TPM2: variants seen among roughly 807,000 people sequenced by gnomAD.
TPM2 encodes tropomyosin beta chain.
Under a neutral mutation model 41.0 loss-of-function variants are expected in TPM2, and 26 were observed. The observed-to-expected ratio is 0.63, with a 90% CI of 0.46 to 0.88. The LOEUF (loss-of-function observed/expected upper bound fraction) is 0.88. Among genes scored for constraint, TPM2 ranks in the 40% least tolerant of loss-of-function variants. The probability of loss-of-function intolerance (pLI) is 0.00; values close to 1 mark genes in which losing one functional copy is unlikely to be tolerated. For synonymous variants in TPM2, 143 were observed against 139.3 expected, an observed-to-expected ratio of 1.03 and a Z score of -0.19; for missense variants, 187 against 355.2, an observed-to-expected ratio of 0.53 and a Z score of 3.81.
chr9:35,684,863 A>C, intron 5 of TPM2, 56 bp from the exon 6 acceptor site: 1 of 1,613,736 alleles, frequency 6.2e-7, no homozygotes, highest in Non-Finnish European at 8.5e-7. Context: ...GAAGCCAGAC[A>C]GTGGAGATGG....
At chr9:35,689,616 G>T in intron 1 of TPM2, 88 bp downstream of exon 1, 1 of 1,595,272 alleles carries the variant, frequency 6.3e-7, no homozygotes, top group Non-Finnish European at 8.5e-7. Context: ...AGCCTTGGCG[G>T]GCAGGCCCGG....
rs1661588104 is a variant in TPM2, at chr9:35,684,559, G to A, written c.640-9C>T. The A allele has an allele frequency of 6.2e-7, 1 of 1,614,084 alleles. No homozygotes were observed. Among genetic ancestry groups the A allele is most frequent in the Admixed American group, 1.7e-5 (1 of 60,010 alleles). ...TCTTCTTTGGTGGAATACTTTTGGGGACACACACACGCCATCAGTACAGCG... is the reference window on the plus strand; with the variant it reads ...TCTTCTTTGGTGGAATACTTTTGGGAACACACACACGCCATCAGTACAGCG... On this transcript the variant is annotated splice_polypyrimidine_tract_variant and intron_variant, in intron 6 of 8. Transcript: ENST00000645482.
rs755090641 is a variant in TPM2, at chr9:35,689,834, G to A, written c.-17C>T. 2 of 1,613,432 alleles carry A rather than the reference G, an allele frequency of 1.2e-6. No individual in the cohort carries two copies. Among genetic ancestry groups the A allele is most frequent in the Non-Finnish European group, 8.5e-7 (1 of 1,179,572 alleles). ...GGCGTCCATGGCTGCGGTGGGGGGTGGGCCGGCCGGCAGGCGGTGAGGACC... is the reference window on the plus strand; with the variant it reads ...GGCGTCCATGGCTGCGGTGGGGGGTAGGCCGGCCGGCAGGCGGTGAGGACC... On this transcript the variant is annotated 5_prime_UTR_variant, in exon 1 of 9. Coordinates refer to ENST00000645482, the MANE Select transcript of TPM2 (RefSeq NM_003289.4).
chr9:35,682,015 G>A (rs1243006975), downstream of TPM2: 2 of 1,534,858 alleles, frequency 1.3e-6, no homozygotes, highest in African/African-American at 2.7e-5. Context: ...GCCTTGAGAG[G>A]CTAGTAACAT....
chr9:35,682,383 A>C, downstream of TPM2: 1 of 1,028,582 alleles, frequency 9.7e-7, no homozygotes, highest in Non-Finnish European at 1.4e-6. Flanking sequence ...GGGGTCATAG[A>C]GGTGGGGTGG....
At chr9:35,689,092 G>T in intron 2 of TPM2, 54 bp downstream of exon 2, 1 of 1,610,318 alleles carries the variant, frequency 6.2e-7, no homozygotes, top group South Asian at 1.1e-5. Flanking sequence ...CATACCCGGG[G>T]GGCCCCTTCC....
At position 35,685,747 on chromosome 9, in the gene TPM2, TGCG is replaced by T; in HGVS notation, c.271_273del (p.Arg91del). ...TCCAGCTCCTCCTCAACCAGCTGAA[TGCG>T]GCGGTTCAGGGAGGCCACATCTGCC... On this transcript the variant is annotated inframe_deletion, in exon 3 of 9. Coordinates refer to ENST00000645482, the MANE Select transcript of TPM2 (RefSeq NM_003289.4). The surrounding 1 kb of genome is among the most constrained non-coding windows in gnomAD (Gnocchi z 5.0). The T allele has an allele frequency of 6.2e-7, 1 of 1,614,162 alleles. No individual in the cohort carries two copies. Among genetic ancestry groups the T allele is most frequent in the Non-Finnish European group, 8.5e-7 (1 of 1,180,024 alleles).
chr9:35,683,370 G>T, intron 8 of TPM2, 129 bp from the exon 9 acceptor site: 1 of 896,754 alleles, frequency 1.1e-6, no homozygotes, highest in Non-Finnish European at 1.7e-6. Context: ...GAGTGAGAGA[G>T]GGAGGCCAGG....
Position 35,685,179 on chromosome 9 carries a change from C to T in TPM2, c.563+90G>A, listed in dbSNP as rs1824824325. The T allele has an allele frequency of 6.2e-7, 1 of 1,613,932 alleles. No individual in the cohort carries two copies. Among genetic ancestry groups the T allele is most frequent in the Admixed American group, 1.7e-5 (1 of 59,996 alleles). The stretch of plus-strand genomic sequence containing the variant: ...CAGGGGTCAGAGAACAGGGCCTGTC[C>T]CTACAGCCCCAAGCCTAGGATGCTA... On this transcript the variant is annotated intron_variant, in intron 5 of 8. Transcript: ENST00000645482. The surrounding 1 kb of genome is among the most constrained non-coding windows in gnomAD (Gnocchi z 5.0).
In TPM2 at chr9:35,683,088, C is replaced by T. The variant is rs1432011701; in HGVS notation, c.*71G>A. On this transcript the variant is annotated 3_prime_UTR_variant, in exon 9 of 9. Transcript: ENST00000645482. ...TGGCAATTTCTGCTCCTCCTGCCTG[C>T]TCCCCTCCCCATAGAGAGAATGGAA... The T allele has an allele frequency of 9.7e-6, 15 of 1,551,566 alleles. No homozygotes were observed. Among genetic ancestry groups the T allele is most frequent in the Non-Finnish European group, 1.3e-5 (15 of 1,146,992 alleles).
At chr9:35,687,566 T>C (rs995471425) in intron 2 of TPM2, among the ~76,000 whole-genome samples, 1 of 151,884 alleles carries the variant, frequency 6.6e-6, no homozygotes, top group Non-Finnish European at 1.5e-5. Flanking sequence ...AGAGAGTAGA[T>C]GGTAGCTTGT....
chr9:35,688,709 T>C (rs745371662), intron 2 of TPM2, among the ~76,000 whole-genome samples: 1 of 152,016 alleles, frequency 6.6e-6, no homozygotes, highest in Non-Finnish European at 1.5e-5. Context: ...GGGTTGTAAC[T>C]CAAGTGGGGT....
In TPM2 at chr9:35,689,146, A is replaced by G. The variant is rs201145709; in HGVS notation, c.240T>C (p.Asp80=). Residue 80 remains aspartate (D), a splice_region_variant and synonymous_variant, in exon 2 of 9, where the codon GAT becomes GAC. Transcript: ENST00000645482. ...KLEQAEKKAT[D]AEADVASLNR... ...CATTGTCCCCCAAGTCCACACTCAC[A>G]TCAGTGGCCTTCTTCTCGGCCTGCT... 5.0e-6 allele frequency: 8 copies of G among 1,614,064 alleles called. No individual in the cohort carries two copies. Among genetic ancestry groups the G allele is most frequent in the Middle Eastern group, 1.7e-4 (1 of 6,060 alleles).
Position 35,685,554 on chromosome 9 carries a change from G to A in TPM2, c.375-3C>T. On this transcript the variant is annotated splice_polypyrimidine_tract_variant and splice_region_variant and intron_variant, in intron 3 of 8. Coordinates refer to ENST00000645482, the MANE Select transcript of TPM2 (RefSeq NM_003289.4). The surrounding 1 kb of genome is among the most constrained non-coding windows in gnomAD (Gnocchi z 5.0). ...GGTTTTCGATGACCTTCATTCCTCT[G>A]AAAGGCAGGGAGAGGGTGAGCGTAG... The A allele has an allele frequency of 6.2e-7, 1 of 1,614,142 alleles. No homozygotes were observed. The highest frequency in any genetic ancestry group is 8.5e-7 in the Non-Finnish European group (1 of 1,180,028).
Position 35,685,085 on chromosome 9 carries a change from G to A in TPM2, c.563+184C>T. The stretch of plus-strand genomic sequence containing the variant: ...CTACCTCCTCCTCTGAGGCCATCAG[G>A]GACTTGAGGGCCTGGTCCATGGTTC... On this transcript the variant is annotated intron_variant, in intron 5 of 8. Coordinates refer to ENST00000645482, the MANE Select transcript of TPM2 (RefSeq NM_003289.4). The surrounding 1 kb of genome is among the most constrained non-coding windows in gnomAD (Gnocchi z 5.0). 1.2e-6 allele frequency: 2 copies of A among 1,614,212 alleles called. No homozygotes were observed. Among genetic ancestry groups the A allele is most frequent in the African/African-American group, 1.3e-5 (1 of 75,058 alleles).
Position 35,685,599 on chromosome 9 carries a change from A to G in TPM2, c.374+48T>C, listed in dbSNP as rs2131852968. ...GCGTAGGGTCAGGACCAGCAGAGAC[A>G]GGCTCCCTTCTCCCTCCCGGACCAT... On this transcript the variant is annotated intron_variant, in intron 3 of 8. Coordinates refer to ENST00000645482, the MANE Select transcript of TPM2 (RefSeq NM_003289.4). The surrounding 1 kb of genome is among the most constrained non-coding windows in gnomAD (Gnocchi z 5.0). 6.2e-7 allele frequency: 1 copy of G among 1,614,124 alleles called. No homozygotes were observed. Among genetic ancestry groups the G allele is most frequent in the Non-Finnish European group, 8.5e-7 (1 of 1,179,996 alleles).
In TPM2 at chr9:35,685,168, C is replaced by G. The variant is rs1360731052; in HGVS notation, c.563+101G>C. ...GGGGCAGCGGGCAGGGGTCAGAGAA[C>G]AGGGCCTGTCCCTACAGCCCCAAGC... On this transcript the variant is annotated intron_variant, in intron 5 of 8. Transcript: ENST00000645482. This position sits in a 1 kb window ranked among gnomAD's most constrained non-coding sequence, Gnocchi z 5.0. 6.2e-7 allele frequency: 1 copy of G among 1,614,114 alleles called. No homozygotes were observed. The highest frequency in any genetic ancestry group is 1.7e-5 in the Admixed American group (1 of 60,034).
At chr9:35,682,495 G>C, downstream of TPM2, 1 of 1,281,064 alleles carries the variant, frequency 7.8e-7, no homozygotes, top group Non-Finnish European at 1.0e-6. Flanking sequence ...GGAAGGGCCA[G>C]ACAGACAGAC....
intron 8 of TPM2, among the ~76,000 whole-genome samples, chr9:35,683,708 T>C (rs1824709751): frequency 6.6e-6 from 1 of 152,186 alleles, no homozygotes; most frequent in Non-Finnish European, 1.5e-5. Context: ...ACAATAGAAA[T>C]AGCCACAGAC....
Sources: gnomAD v4.1 joint callset for allele counts (sites outside exome capture counted in the v4.1 genomes callset) on GRCh38, gnomAD v4.1.1 for gene constraint, Gnocchi (gnomAD v3.1) non-coding constraint, MANE v1.5 for transcripts, NCBI Gene and HGNC (gene_info 2026-07-23, HGNC 2026-07-21) for gene names.